Variants in ASIC2 observed in about 807,000 individuals in gnomAD.
The protein encoded by ASIC2 is acid sensing ion channel subunit 2, also known as acid-sensing ion channel 2.
A neutral mutation model predicts 57.3 loss-of-function variants in ASIC2; 25 were observed. The ratio of observed to expected loss-of-function variants is 0.44; its 90% CI spans 0.32 to 0.61. The LOEUF (loss-of-function observed/expected upper bound fraction) is 0.61, where lower values mean the gene tolerates loss of function less well. ASIC2 is among the 20% of genes least tolerant of loss of function. The pLI is 0.06. For synonymous variants in ASIC2, 319 were observed against 307.5 expected, an observed-to-expected ratio of 1.04 and a Z score of -0.39; for missense variants, 641 against 738.1, an observed-to-expected ratio of 0.87 and a Z score of 1.52.
At chr17:34,011,331 C>T (rs1003030535) in intron 1 of ASIC2, among the ~76,000 whole-genome samples, 3 of 152,130 alleles carry the variant, frequency 2.0e-5, no homozygotes, top group African/African-American at 7.2e-5. Flanking sequence ...TTGCTTCCCA[C>T]TTAAGGTCTA....
At chr17:33,473,892 C>T (rs573898528) in intron 1 of ASIC2, among the ~76,000 whole-genome samples, 1 of 152,224 alleles carries the variant, frequency 6.6e-6, no homozygotes, top group Non-Finnish European at 1.5e-5. Flanking sequence ...CCCCCTTCAC[C>T]CATTCATTCA....
intron 1 of ASIC2, among the ~76,000 whole-genome samples, chr17:33,179,425 G>A (rs1905890425): frequency 6.6e-6 from 1 of 152,206 alleles, no homozygotes; most frequent in Non-Finnish European, 1.5e-5. Flanking sequence ...TTCCTGAAAA[G>A]TTGGGCAGAA....
intron 1 of ASIC2, among the ~76,000 whole-genome samples, chr17:34,135,748 A>G (rs1241982419): frequency 1.3e-5 from 2 of 152,228 alleles, no homozygotes; most frequent in Non-Finnish European, 2.9e-5. Flanking sequence ...TTAAAAGGTG[A>G]AATATCCACT....
chr17:33,463,530 C>T (rs903557368), intron 1 of ASIC2, among the ~76,000 whole-genome samples: 1 of 152,188 alleles, frequency 6.6e-6, no homozygotes, highest in African/African-American at 2.4e-5. Context: ...GGCTGTGTCT[C>T]CCCCAGAATA....
chr17:33,537,144 G>A (rs1358258896), intron 1 of ASIC2, among the ~76,000 whole-genome samples: 1 of 152,088 alleles, frequency 6.6e-6, no homozygotes, highest in East Asian at 1.9e-4. Flanking sequence ...TCTGGCATCT[G>A]CCCACCTTTC....
rs552904889 is a variant in ASIC2, at chr17:33,103,216, GCTTC to G, written c.859+8697_859+8700del. On this transcript the variant is annotated intron_variant, in intron 2 of 9. Transcript: ENST00000225823. ...TTAACGTGTTTTGATGTTTTCTCCT[GCTTC>G]CTTCATTTATTTTTTATTTATCAAA... Among the ~76,000 whole-genome samples, 390 of 152,162 alleles carry G rather than the reference GCTTC, an allele frequency of 2.6e-3. 1 individual carries two copies. The highest frequency in any genetic ancestry group is 9.1e-3 in the African/African-American group (376 of 41,524).
rs920014060 is a variant in ASIC2, at chr17:33,013,364, C to G, written c.*601G>C. The G allele has an allele frequency of 6.5e-6, 1 of 154,828 alleles. No homozygotes were observed. The highest frequency in any genetic ancestry group is 2.4e-5 in the African/African-American group (1 of 41,468). 9.6% of individuals were successfully genotyped at this position (154,828 alleles called of 1,614,324 possible). A position where few individuals can be genotyped will look rare whatever the true frequency, so the allele number is the denominator to read the frequency against. On this transcript the variant is annotated 3_prime_UTR_variant, in exon 10 of 10. Transcript: ENST00000225823. Reference sequence around the variant, plus strand: ...GTCCCCCACCCGCTGGCTGCTGTGCCGCCGTCATAGGCACTGGGGGGGAGG... The same window carrying G: ...GTCCCCCACCCGCTGGCTGCTGTGCGGCCGTCATAGGCACTGGGGGGGAGG...
intron 1 of ASIC2, among the ~76,000 whole-genome samples, chr17:33,655,397 A>G (rs1206169730): frequency 6.6e-6 from 1 of 152,162 alleles, no homozygotes; most frequent in African/African-American, 2.4e-5. Context: ...TATTGCTCTG[A>G]TTCAGATTCA....
At chr17:33,800,169 G>A (rs926009251) in intron 1 of ASIC2, among the ~76,000 whole-genome samples, 6 of 152,102 alleles carry the variant, frequency 3.9e-5, no homozygotes, top group African/African-American at 1.4e-4. Context: ...TATGTTTGTG[G>A]TTATAATTCC....
intron 1 of ASIC2, among the ~76,000 whole-genome samples, chr17:33,461,295 C>T (rs1912626705): frequency 6.6e-6 from 1 of 152,192 alleles, no homozygotes; most frequent in African/African-American, 2.4e-5. Context: ...TGGTCTTGCC[C>T]AGGTCCTGGG....
intron 1 of ASIC2, among the ~76,000 whole-genome samples, chr17:34,015,974 T>A (rs1164843530): frequency 6.6e-6 from 1 of 152,208 alleles, no homozygotes; most frequent in Non-Finnish European, 1.5e-5. Flanking sequence ...GCTACAATGG[T>A]CACAAAACTC....
At chr17:33,585,388 C>A (rs904373912) in intron 1 of ASIC2, among the ~76,000 whole-genome samples, 2 of 152,198 alleles carry the variant, frequency 1.3e-5, no homozygotes, top group Non-Finnish European at 2.9e-5. Flanking sequence ...TGCTTGTTAG[C>A]ATTTTGCCTT....
chr17:33,362,362 C>A (rs935058202), intron 1 of ASIC2, among the ~76,000 whole-genome samples: 1 of 152,210 alleles, frequency 6.6e-6, no homozygotes, highest in Middle Eastern at 3.4e-3. Context: ...TCTTGATGGG[C>A]AAATAGCTGG....
chr17:34,082,218 G>A (rs1369212756), intron 1 of ASIC2: 1 of 152,156 alleles, frequency 6.6e-6, no homozygotes, highest in Non-Finnish European at 1.5e-5. Context: ...CACTCTCTCT[G>A]AATGCTCCAC....
chr17:33,631,844 G>A (rs1906182177), intron 1 of ASIC2, among the ~76,000 whole-genome samples: 1 of 152,150 alleles, frequency 6.6e-6, no homozygotes, highest in South Asian at 2.1e-4. Context: ...AGGGGGACTT[G>A]ATCACCATTT....
intron 1 of ASIC2, among the ~76,000 whole-genome samples, chr17:34,022,660 A>C (rs1016267766): frequency 5.9e-5 from 9 of 152,052 alleles, no homozygotes; most frequent in African/African-American, 2.2e-4. Flanking sequence ...AAACAAAAAA[A>C]CAGCCCAGTA....
chr17:33,688,046 A>G (rs2142061913), intron 1 of ASIC2, among the ~76,000 whole-genome samples: 1 of 152,296 alleles, frequency 6.6e-6, no homozygotes, highest in East Asian at 1.9e-4. Flanking sequence ...GGCTCAATTT[A>G]CAGGCTACTC....
chr17:33,061,238 C>T (rs2092019386), intron 3 of ASIC2, among the ~76,000 whole-genome samples: 1 of 152,136 alleles, frequency 6.6e-6, no homozygotes, highest in South Asian at 2.1e-4. Context: ...CTGTCTTGTG[C>T]CAATTTTCAA....
At chr17:34,032,912 A>G (rs1052793656) in intron 1 of ASIC2, among the ~76,000 whole-genome samples, 3 of 152,184 alleles carry the variant, frequency 2.0e-5, no homozygotes, top group Non-Finnish European at 4.4e-5. Flanking sequence ...CACAATAATA[A>G]TGGGAGACTT....
Sources: gnomAD v4.1 joint callset for allele counts (sites outside exome capture counted in the v4.1 genomes callset) on GRCh38, gnomAD v4.1.1 for gene constraint, MANE v1.5 for transcripts, NCBI Gene and HGNC (gene_info 2026-07-23, HGNC 2026-07-21) for gene names.